The following OPA1 variants were observed in gnomAD, a reference collection of about 807,000 sequenced individuals.
OPA1 encodes the protein OPA1 mitochondrial dynamin like GTPase, also known as dynamin-like GTPase OPA1, mitochondrial.
In OPA1, 59 loss-of-function variants were observed where a neutral mutation model predicts 152.9. That is an observed-to-expected ratio of 0.39 (90% CI 0.31 to 0.48). The LOEUF is 0.48. Among genes scored for constraint, OPA1 ranks in the 20% least tolerant of loss-of-function variants. The pLI, the probability that OPA1 is intolerant of heterozygous loss-of-function variation, is 0.96. For missense variants in OPA1, 1,008 were observed against 1,216.8 expected, an observed-to-expected ratio of 0.83 and a Z score of 2.55; for synonymous variants, 400 against 389.9, an observed-to-expected ratio of 1.03 and a Z score of -0.31.
intron 29 of OPA1, among the ~76,000 whole-genome samples, chr3:193,680,224 A>G (rs1209211424): frequency 1.4e-5 from 2 of 139,796 alleles, no homozygotes; most frequent in Non-Finnish European, 3.1e-5. Context: ...TACTTTTAAA[A>G]TTACAGTGAT....
chr3:193,654,792 C>A, intron 21 of OPA1, 70 bp from the exon 22 acceptor site: 1 of 1,474,026 alleles, frequency 6.8e-7, no homozygotes, highest in Non-Finnish European at 9.3e-7. Context: ...GTTAATGATA[C>A]TTCAGTCAAG....
chr3:193,655,181 A>T, intron 22 of OPA1, 154 bp downstream of exon 22: 1 of 703,768 alleles, frequency 1.4e-6, no homozygotes, highest in Non-Finnish European at 2.3e-6. Flanking sequence ...TTTGGGACTA[A>T]CCTTAATGTT....
At chr3:193,655,068 T>C in intron 22 of OPA1, 41 bp downstream of exon 22, 1 of 1,575,648 alleles carries the variant, frequency 6.3e-7, no homozygotes, top group Non-Finnish European at 8.7e-7. Flanking sequence ...AAGCATTATC[T>C]GAAGGGAGTA....
intron 15 of OPA1, 51 bp downstream of exon 15, chr3:193,643,678 A>G: frequency 6.8e-7 from 1 of 1,473,410 alleles, no homozygotes; most frequent in Non-Finnish European, 9.5e-7. Flanking sequence ...CTTCTTTAGC[A>G]ATCCAAGCTT....
intron 29 of OPA1, among the ~76,000 whole-genome samples, chr3:193,671,938 T>C (rs1165580729): frequency 6.6e-6 from 1 of 152,254 alleles, no homozygotes; most frequent in African/African-American, 2.4e-5. Context: ...ATTTCTTGTT[T>C]GCAGTATCTA....
chr3:193,696,179 G>A lies in OPA1; in HGVS notation c.*1579G>A, dbSNP rs1722235765. On this transcript the variant is annotated 3_prime_UTR_variant, in exon 31 of 31. Coordinates refer to ENST00000361510, the MANE Select transcript of OPA1 (RefSeq NM_130837.3). ...TTAATGCATGTTAATGAATATTTTT[G>A]CAGTTGTAAAGCATAACAATTACAA... The A allele has an allele frequency of 1.3e-5, 2 of 152,112 alleles. No individual in the cohort carries two copies. Among genetic ancestry groups the A allele is most frequent in the Non-Finnish European group, 2.9e-5 (2 of 68,006 alleles). 9.4% of individuals were successfully genotyped at this position (152,112 alleles called of 1,614,324 possible).
chr3:193,646,772 C>A (rs1734709147), intron 18 of OPA1, among the ~76,000 whole-genome samples: 1 of 151,790 alleles, frequency 6.6e-6, no homozygotes, highest in Non-Finnish European at 1.5e-5. Context: ...GATTCCAATT[C>A]AAAAAAATAA....
chr3:193,686,221 C>CA (rs1264306635), intron 29 of OPA1, among the ~76,000 whole-genome samples: 6 of 152,214 alleles, frequency 3.9e-5, no homozygotes, highest in African/African-American at 1.4e-4. Flanking sequence ...GTTTCTTGTC[C>CA]AAATGAAGTT....
intron 23 of OPA1, among the ~76,000 whole-genome samples, chr3:193,658,665 T>G (rs1304841913): frequency 6.6e-6 from 1 of 152,210 alleles, no homozygotes; most frequent in African/African-American, 2.4e-5. Flanking sequence ...TTGTTTAATT[T>G]GGGCCAGGAG....
chr3:193,595,698 C>A (rs1186166261), intron 1 of OPA1, among the ~76,000 whole-genome samples: 2 of 152,046 alleles, frequency 1.3e-5, no homozygotes, highest in Admixed American at 6.6e-5. Flanking sequence ...GTTTTGTTTT[C>A]TTTTGCTACT....
At chr3:193,678,950 T>G (rs932923688) in intron 29 of OPA1, among the ~76,000 whole-genome samples, 1 of 152,210 alleles carries the variant, frequency 6.6e-6, no homozygotes, top group Admixed American at 6.5e-5. Flanking sequence ...TGAAGTTGTT[T>G]TTTTTTCCCA....
chr3:193,676,862 T>G (rs574414854), intron 29 of OPA1, among the ~76,000 whole-genome samples: 1 of 151,576 alleles, frequency 6.6e-6, no homozygotes, highest in East Asian at 1.9e-4. Flanking sequence ...GCGCCTGTAG[T>G]CCCAGCTGCT....
At chr3:193,606,053 A>G (rs534216209) in intron 1 of OPA1, among the ~76,000 whole-genome samples, 2 of 152,166 alleles carry the variant, frequency 1.3e-5, no homozygotes, top group South Asian at 4.2e-4. Context: ...TAAGTTGAAT[A>G]TTGTCAGGAG....
intron 29 of OPA1, chr3:193,668,472 C>T (rs983960722): frequency 4.2e-5 from 65 of 1,550,448 alleles, no homozygotes; most frequent in South Asian, 6.0e-5. Flanking sequence ...TCTGCTCTGA[C>T]GCTTTGTGCC....
At chr3:193,597,652 C>G (rs1266355597) in intron 1 of OPA1, among the ~76,000 whole-genome samples, 1 of 144,620 alleles carries the variant, frequency 6.9e-6, no homozygotes, top group East Asian at 2.0e-4. Context: ...GATCGAGCCA[C>G]TGCACTCCAA....
intron 29 of OPA1, among the ~76,000 whole-genome samples, chr3:193,671,770 A>T (rs561616203): frequency 5.4e-4 from 83 of 152,344 alleles, no homozygotes; most frequent in African/African-American, 2.0e-3. Context: ...GGTTAAAAAA[A>T]GGTTAAATTT....
chr3:193,610,198 G>C (rs970898241), intron 1 of OPA1, among the ~76,000 whole-genome samples: 2 of 152,284 alleles, frequency 1.3e-5, no homozygotes, highest in African/African-American at 4.8e-5. Context: ...TGATGGTGAT[G>C]TACAGATGGG....
Position 193,691,318 on chromosome 3 carries a change from A to G in OPA1, c.2984-745A>G, listed in dbSNP as rs376623898. On this transcript the variant is annotated intron_variant, in intron 29 of 30. Coordinates refer to ENST00000361510, the MANE Select transcript of OPA1 (RefSeq NM_130837.3). ...TTGGCATGTACTATGAGCAGTTCAC[A>G]TTTGTGGAGGAAATCTACATTTCAG... The G allele has an allele frequency of 2.6e-5, 4 of 152,344 alleles. No homozygotes were observed. In the East Asian group the frequency reaches 5.8e-4, roughly 22 times the overall value. The allele number at this position is 152,344 out of a possible 1,614,324, so 9.4% of individuals were successfully genotyped here.
intron 11 of OPA1, 92 bp downstream of exon 11, chr3:193,638,157 A>G (rs750878952): frequency 1.2e-5 from 11 of 894,208 alleles, no homozygotes; most frequent in Non-Finnish European, 2.0e-5. Context: ...ACTTTTAACC[A>G]AAGAAAGACT....
Sources: allele counts gnomAD v4.1 joint callset (sites outside exome capture counted in the v4.1 genomes callset), GRCh38; gene constraint gnomAD v4.1.1; transcripts MANE v1.5; gene names NCBI Gene and HGNC (gene_info 2026-07-23, HGNC 2026-07-21).